The following EIF2AK4 variants were observed in gnomAD, a reference collection of about 807,000 sequenced individuals.
EIF2AK4 encodes the protein eukaryotic translation initiation factor 2 alpha kinase 4.
In EIF2AK4, 139 loss-of-function variants were observed where a neutral mutation model predicts 211.1. That is an observed-to-expected ratio of 0.66 (90% confidence interval 0.57 to 0.76). The LOEUF (loss-of-function observed/expected upper bound fraction) is 0.76. EIF2AK4 is among the 30% of genes least tolerant of loss of function. The probability of loss-of-function intolerance (pLI) is 0.00; values close to 1 mark genes in which losing one functional copy is unlikely to be tolerated. For synonymous variants in EIF2AK4, 710 were observed against 751.3 expected (o/e 0.94, Z 0.90); for missense variants, 1,664 against 2,043.8 (o/e 0.81, Z 3.58).
intron 3 of EIF2AK4, chr15:39,946,489 A>C: frequency 1.4e-6 from 1 of 692,398 alleles, no homozygotes; most frequent in Non-Finnish European, 2.6e-6. Flanking sequence ...ATAGATTAGG[A>C]GAGAAAGTGG....
rs2035081807 is a variant in EIF2AK4 at position 40,000,985 on chromosome 15, T to G, written c.2923-3T>G. The G allele has an allele frequency of 6.2e-7, 1 of 1,614,176 alleles. No individual in the cohort carries two copies. Among genetic ancestry groups the G allele is most frequent in the East Asian group, 2.2e-5 (1 of 44,888 alleles). On this transcript the variant is annotated splice_polypyrimidine_tract_variant and splice_region_variant and intron_variant, in intron 20 of 38. Transcript: ENST00000263791. ...TTAGCAGTGTGCCTGGGTTTTATTG[T>G]AGAAATCAGTCATCTCCTGGCTGTT...
intron 32 of EIF2AK4, among the ~76,000 whole-genome samples, chr15:40,024,209 T>G (rs2035432443): frequency 6.7e-6 from 1 of 149,452 alleles, no homozygotes; most frequent in South Asian, 2.1e-4. Flanking sequence ...CCTTTTATTT[T>G]TAACCTGTCT....
rs1566988788 is a variant in EIF2AK4 at position 39,967,567 on chromosome 15, AT to A, written c.1243del (p.Tyr415IlefsTer12). 2 of 1,613,548 alleles carry A rather than the reference AT, an allele frequency of 1.2e-6. No individual in the cohort carries two copies. The highest frequency in any genetic ancestry group is 3.3e-5 in the Admixed American group (2 of 59,974). On this transcript the variant is annotated frameshift_variant, in exon 9 of 39. Coordinates refer to ENST00000263791, the MANE Select transcript of EIF2AK4 (RefSeq NM_001013703.4). LOFTEE classifies it high-confidence loss of function. Reference sequence around the variant, plus strand: ...ACAGCTCAGCTCCTGTCAGGCCTTGATTATCTGCACAGCAATTCTGTGGTGC... The same window carrying A: ...ACAGCTCAGCTCCTGTCAGGCCTTGATATCTGCACAGCAATTCTGTGGTGC... ...RYTAQLLSGL[D>X]YLHSNSVVHK... is the part of the protein sequence containing the mutation.
Position 40,032,881 on chromosome 15 carries a change from G to C in EIF2AK4, c.4773+80G>C, listed in dbSNP as rs376517719. 1.7e-4 allele frequency: 210 copies of C among 1,224,058 alleles called. 1 individual carries two copies. Among genetic ancestry groups the C allele is most frequent in the Admixed American group, 6.6e-4 (31 of 46,688 alleles). The allele number at this position is 1,224,058 out of a possible 1,614,324, so 75.8% of individuals were successfully genotyped here. On this transcript the variant is annotated intron_variant, in intron 37 of 38. Transcript: ENST00000263791. ...ATTAGTTTGCCAAAATACTGAAGAC[G>C]GCATTCATTAGTGATAGTATTTTTC...
At chr15:39,983,418 TAAGTTCCTTATAG>T (rs1485332784) in intron 13 of EIF2AK4, among the ~76,000 whole-genome samples, 2 of 152,080 alleles carry the variant, frequency 1.3e-5, no homozygotes, top group African/African-American at 4.8e-5. Context: ...TAAATTTGTT[TAAGTTCCTTATAG>T]ATTCTGGATA....
intron 27 of EIF2AK4, among the ~76,000 whole-genome samples, chr15:40,012,969 CA>C (rs899623660): frequency 2.2e-4 from 34 of 152,146 alleles, no homozygotes; most frequent in African/African-American, 7.7e-4. Flanking sequence ...ACCTGAGGCC[CA>C]AAGAGATGTT....
At position 40,019,699 on chromosome 15, in the gene EIF2AK4, G is replaced by A. The variant is rs114523426; in HGVS notation, c.4173+499G>A. On this transcript the variant is annotated intron_variant, in intron 30 of 38. Coordinates refer to ENST00000263791, the MANE Select transcript of EIF2AK4 (RefSeq NM_001013703.4). ...CCAAAAGCATCCCCTCCCAACCCCC[G>A]CACCATCCATGAAAAATTTTCTTCC... 4.5e-3 allele frequency among the ~76,000 whole-genome samples: 688 copies of A among 152,090 alleles called. 5 individuals are homozygous for A. The highest frequency in any genetic ancestry group is 0.017 in the Admixed American group (255 of 15,276).
Position 40,008,012 on chromosome 15 carries a change from G to T in EIF2AK4, c.3408-15G>T, listed in dbSNP as rs2035184138. 3 of 1,503,202 alleles carry T rather than the reference G, an allele frequency of 2.0e-6. No homozygotes were observed. Among genetic ancestry groups the T allele is most frequent in the African/African-American group, 1.4e-5 (1 of 70,304 alleles). The allele number at this position is 1,503,202 out of a possible 1,614,324, so 93.1% of individuals were successfully genotyped here. A position where few individuals can be genotyped will look rare whatever the true frequency, so the allele number is the denominator to read the frequency against. On this transcript the variant is annotated splice_polypyrimidine_tract_variant and intron_variant, in intron 24 of 38. Coordinates refer to ENST00000263791, the MANE Select transcript of EIF2AK4 (RefSeq NM_001013703.4). Reference sequence around the variant, plus strand: ...AGTAAGCAATGACCTTAGAAATCTGGGTTTCTCTCTCCAGATACTGCATAG... The same window carrying T: ...AGTAAGCAATGACCTTAGAAATCTGTGTTTCTCTCTCCAGATACTGCATAG...
At chr15:40,032,423 CCT>C (rs2140952637) in intron 36 of EIF2AK4, among the ~76,000 whole-genome samples, 186 bp downstream of exon 36, 1 of 152,166 alleles carries the variant, frequency 6.6e-6, no homozygotes, top group East Asian at 1.9e-4. Flanking sequence ...TTTTGTTTCT[CCT>C]CTTTGTTCCT....
chr15:39,969,488 G>T (rs1028408320), intron 9 of EIF2AK4, among the ~76,000 whole-genome samples: 22 of 150,886 alleles, frequency 1.5e-4, no homozygotes, highest in Non-Finnish European at 2.1e-4. Context: ...AGCCTCCTGA[G>T]TAGCTGGGTC....
chr15:40,012,179 C>G (rs1255432865), intron 27 of EIF2AK4, among the ~76,000 whole-genome samples: 2 of 152,074 alleles, frequency 1.3e-5, no homozygotes, highest in Non-Finnish European at 2.9e-5. Context: ...GTGGCAGGCA[C>G]AATGGCAGGG....
At chr15:39,980,663 A>T (rs1400379792) in intron 13 of EIF2AK4, among the ~76,000 whole-genome samples, 1 of 152,144 alleles carries the variant, frequency 6.6e-6, no homozygotes, top group African/African-American at 2.4e-5. Context: ...TTATTCTACT[A>T]TTGGGGACTG....
chr15:39,954,045 A>C, intron 5 of EIF2AK4, 61 bp downstream of exon 5: 1 of 1,338,382 alleles, frequency 7.5e-7, no homozygotes, highest in East Asian at 2.5e-5. Flanking sequence ...TTTTATTTCC[A>C]CTGATGACAT....
intron 14 of EIF2AK4, 75 bp from the exon 15 acceptor site, chr15:39,987,908 T>G (rs1217446971): frequency 2.6e-6 from 4 of 1,523,026 alleles, no homozygotes; most frequent in Non-Finnish European, 3.6e-6. Flanking sequence ...AAATGGAGGA[T>G]TATGTAAATT....
At position 40,028,973 on chromosome 15, in the gene EIF2AK4, G is replaced by A. The variant is rs78848558; in HGVS notation, c.4503-433G>A. Among the ~76,000 whole-genome samples the A allele has an allele frequency of 5.2e-3, 786 of 152,242 alleles. 30 individuals carry two copies. The East Asian group carries it at 0.084, about 16-fold the overall frequency. On this transcript the variant is annotated intron_variant, in intron 33 of 38. Transcript: ENST00000263791. ...AGCATTTGAAAGAACATCCATTCAC[G>A]GCTTTTTAAAGAATATCTTTATTTA...
At chr15:39,973,478 T>C (rs185057130) in intron 10 of EIF2AK4, 114 bp from the exon 11 acceptor site, 189 of 1,147,112 alleles carry the variant, frequency 1.6e-4, no homozygotes, top group Non-Finnish European at 2.3e-4. Context: ...TAAGAGGTAA[T>C]TTTTCAAACT....
At chr15:40,024,852 G>A (rs184385810) in intron 32 of EIF2AK4, among the ~76,000 whole-genome samples, 73 of 151,632 alleles carry the variant, frequency 4.8e-4, no homozygotes, top group African/African-American at 1.7e-3. Flanking sequence ...TCAGCCTCCC[G>A]AGTAGCTGGG....
Position 40,030,299 on chromosome 15 carries a change from G to A in EIF2AK4, c.4562-60G>A, listed in dbSNP as rs1300055347. Reference sequence around the variant, plus strand: ...TAATAAACTCTGCCATCTCTCTGTAGTATGTTGTAGAAAGTGGGACCAGAT... The same window carrying A: ...TAATAAACTCTGCCATCTCTCTGTAATATGTTGTAGAAAGTGGGACCAGAT... On this transcript the variant is annotated intron_variant, in intron 34 of 38. Coordinates refer to ENST00000263791, the MANE Select transcript of EIF2AK4 (RefSeq NM_001013703.4). 3.3e-6 allele frequency: 5 copies of A among 1,505,632 alleles called. No individual in the cohort carries two copies. The East Asian group carries it at 1.2e-4, about 35-fold the overall frequency. 93.3% of individuals were successfully genotyped at this position (1,505,632 alleles called of 1,614,324 possible). A position where few individuals can be genotyped will look rare whatever the true frequency, so the allele number is the denominator to read the frequency against.
chr15:39,976,997 C>T, intron 12 of EIF2AK4, 153 bp downstream of exon 12: 1 of 1,022,358 alleles, frequency 9.8e-7, no homozygotes, highest in South Asian at 2.5e-5. Context: ...GTCACCCAGG[C>T]TGGAGGTCAG....
Sources: allele counts gnomAD v4.1 joint callset (sites outside exome capture counted in the v4.1 genomes callset), GRCh38; gene constraint gnomAD v4.1.1; transcripts MANE v1.5; gene names NCBI Gene and HGNC (gene_info 2026-07-23, HGNC 2026-07-21).